XKR6: variants seen among roughly 807,000 people sequenced by gnomAD.
XKR6 encodes the protein XK related 6.
Under a neutral mutation model 56.7 loss-of-function variants are expected in XKR6, and 22 were observed. That is an observed-to-expected ratio of 0.39 (90% CI 0.28 to 0.55). The LOEUF is 0.55. Ranked by LOEUF, XKR6 falls within the 20% of genes least tolerant of loss-of-function variation. The probability of loss-of-function intolerance (pLI) is 0.66; values close to 1 mark genes in which losing one functional copy is unlikely to be tolerated. For synonymous variants in XKR6, 524 were observed against 387.8 expected, an observed-to-expected ratio of 1.35 and a Z score of -4.13; for missense variants, 852 against 889.0, an observed-to-expected ratio of 0.96 and a Z score of 0.53.
At chr8:11,161,735 T>C (rs1042483216) in intron 1 of XKR6, among the ~76,000 whole-genome samples, 1 of 152,200 alleles carries the variant, frequency 6.6e-6, no homozygotes, top group Admixed American at 6.5e-5. Context: ...TTGGAAGCTA[T>C]CACAGAAACT....
At position 11,200,555 on chromosome 8, in the gene XKR6, C is replaced by T. The variant is rs1455634731; in HGVS notation, c.764+21G>A. 1.4e-6 allele frequency: 2 copies of T among 1,443,486 alleles called. No individual in the cohort carries two copies. Among genetic ancestry groups the T allele is most frequent in the South Asian group, 3.0e-5 (2 of 67,108 alleles). The allele number at this position is 1,443,486 out of a possible 1,614,324, so 89.4% of individuals were successfully genotyped here. On this transcript the variant is annotated intron_variant, in intron 1 of 2. Coordinates refer to ENST00000416569, the MANE Select transcript of XKR6 (RefSeq NM_173683.4). This position sits in a 1 kb window ranked among gnomAD's most constrained non-coding sequence, Gnocchi z 6.4. ...GGGGGCTCCTCAGGGCCGGCCCGCC[C>T]CCACCCCGCAGTGCTCTTACCTCCA...
intron 1 of XKR6, among the ~76,000 whole-genome samples, chr8:11,181,939 G>A (rs554875558): frequency 1.3e-5 from 2 of 151,872 alleles, no homozygotes; most frequent in Admixed American, 6.6e-5. Context: ...TGAAACCTCC[G>A]CCTTCCAGGC....
At chr8:11,179,911 T>A (rs73530592) in intron 1 of XKR6, among the ~76,000 whole-genome samples, 4 of 152,042 alleles carry the variant, frequency 2.6e-5, no homozygotes, top group African/African-American at 7.3e-5. Context: ...TGTAGGGGAA[T>A]TGCTCAAGCC....
At chr8:11,104,585 TAATA>T (rs755610766) in intron 1 of XKR6, 24 of 137,798 alleles carry the variant, frequency 1.7e-4, no homozygotes, top group South Asian at 1.0e-3. Flanking sequence ...TAAAGACAAT[TAATA>T]AAAGTAGTTA....
chr8:11,047,008 G>A (rs1799426546), intron 1 of XKR6, among the ~76,000 whole-genome samples: 1 of 152,262 alleles, frequency 6.6e-6, no homozygotes, highest in Middle Eastern at 3.4e-3. Context: ...GGGAAATGGG[G>A]GGCGGGTGTT....
At chr8:10,917,246 T>A (rs1157406551) in intron 2 of XKR6, among the ~76,000 whole-genome samples, 1 of 152,162 alleles carries the variant, frequency 6.6e-6, no homozygotes, top group Non-Finnish European at 1.5e-5. Context: ...CTTTTCTAAT[T>A]ACCCTCCTTG....
intron 1 of XKR6, among the ~76,000 whole-genome samples, chr8:11,120,579 A>T (rs939676603): frequency 6.6e-6 from 1 of 152,182 alleles, no homozygotes; most frequent in African/African-American, 2.4e-5. Context: ...CATGGGTAGG[A>T]AGAATCAATA....
chr8:11,172,145 C>T (rs1183546207), intron 1 of XKR6, among the ~76,000 whole-genome samples: 2 of 151,924 alleles, frequency 1.3e-5, no homozygotes, highest in Admixed American at 1.3e-4. Flanking sequence ...CTGAGGCCAG[C>T]AGATTGCTTG....
At chr8:11,108,244 T>C in intron 1 of XKR6, 1 of 453,888 alleles carries the variant, frequency 2.2e-6, no homozygotes, top group Non-Finnish European at 4.4e-6. Flanking sequence ...GTAAAATCTG[T>C]AAGGAATAAG....
chr8:11,092,500 C>G (rs1274766801), intron 1 of XKR6, among the ~76,000 whole-genome samples: 3 of 152,172 alleles, frequency 2.0e-5, no homozygotes, highest in Non-Finnish European at 4.4e-5. Context: ...CTGGAAAGAT[C>G]TGATGCTCTG....
chr8:11,120,507 C>A (rs1007778592), intron 1 of XKR6, among the ~76,000 whole-genome samples: 9 of 152,236 alleles, frequency 5.9e-5, no homozygotes, highest in African/African-American at 2.2e-4. Context: ...TCAAGGAGAA[C>A]TACAAACCAC....
chr8:10,967,749 C>T (rs1016988359), intron 1 of XKR6, among the ~76,000 whole-genome samples: 3 of 152,220 alleles, frequency 2.0e-5, no homozygotes, highest in South Asian at 4.1e-4. Context: ...GGACCTACAG[C>T]GACGTGCTGG....
intron 2 of XKR6, among the ~76,000 whole-genome samples, chr8:10,910,646 A>G (rs1800324471): frequency 6.6e-6 from 1 of 152,206 alleles, no homozygotes; most frequent in Admixed American, 6.5e-5. Flanking sequence ...AATATGGTGG[A>G]CAACAGGGAA....
intron 1 of XKR6, among the ~76,000 whole-genome samples, chr8:11,065,232 A>G (rs1799944901): frequency 6.6e-6 from 1 of 152,254 alleles, no homozygotes. Flanking sequence ...ACACAGGATT[A>G]TAGAGCTGAA....
intron 1 of XKR6, among the ~76,000 whole-genome samples, chr8:11,034,360 C>T (rs1392244911): frequency 3.3e-5 from 5 of 152,068 alleles, no homozygotes; most frequent in African/African-American, 7.2e-5. Context: ...TGCCACAGGC[C>T]GAGAGAGCAT....
intron 1 of XKR6, among the ~76,000 whole-genome samples, chr8:11,122,472 C>A (rs1364748206): frequency 2.0e-5 from 3 of 152,258 alleles, no homozygotes; most frequent in Non-Finnish European, 4.4e-5. Flanking sequence ...ACAGGCCCCT[C>A]CACCTGCCCA....
At chr8:11,053,928 C>T (rs1382090046) in intron 1 of XKR6, among the ~76,000 whole-genome samples, 5 of 152,182 alleles carry the variant, frequency 3.3e-5, no homozygotes, top group African/African-American at 4.8e-5. Flanking sequence ...CATGCACAAA[C>T]ATGCTTTCTG....
At chr8:11,024,320 C>T (rs1303085148) in intron 1 of XKR6, among the ~76,000 whole-genome samples, 3 of 151,412 alleles carry the variant, frequency 2.0e-5, no homozygotes, top group African/African-American at 7.3e-5. Context: ...CCTGTCCCTC[C>T]CCAACCTCTG....
Position 10,923,701 on chromosome 8 carries a change from C to T in XKR6, c.961+933G>A, listed in dbSNP as rs186085064. Among the ~76,000 whole-genome samples, 135 of 152,320 alleles carry T rather than the reference C, an allele frequency of 8.9e-4. 1 individual carries two copies. The South Asian group carries it at 0.022, about 25-fold the overall frequency. On this transcript the variant is annotated intron_variant, in intron 2 of 2. Transcript: ENST00000416569. ...GGAGGTCCGTGTGGGTGTCCATGAA[C>T]GTGGTGACACGGAGGGCCTCCTGGG...
Sources: allele counts gnomAD v4.1 joint callset (sites outside exome capture counted in the v4.1 genomes callset), GRCh38; gene constraint gnomAD v4.1.1; non-coding constraint Gnocchi (gnomAD v3.1); transcripts MANE v1.5; gene names NCBI Gene and HGNC (gene_info 2026-07-23, HGNC 2026-07-21).